Variants in RPGRIP1L observed in about 807,000 individuals in gnomAD.
RPGRIP1L encodes the protein protein fantom.
Under a neutral mutation model 160.4 loss-of-function variants are expected in RPGRIP1L, and 131 were observed. That is an observed-to-expected ratio of 0.82 (90% confidence interval 0.71 to 0.94). The LOEUF (loss-of-function observed/expected upper bound fraction) is 0.94, where lower values mean the gene tolerates loss of function less well. Ranked by LOEUF, RPGRIP1L falls within the 40% of genes least tolerant of loss-of-function variation. RPGRIP1L has a pLI of 0.00. For synonymous variants in RPGRIP1L, 510 were observed against 515.8 expected, an observed-to-expected ratio of 0.99 and a Z score of 0.15; for missense variants, 1,522 against 1,535.8, an observed-to-expected ratio of 0.99 and a Z score of 0.15.
At chr16:53,663,676 C>A (rs1389968038) in intron 10 of RPGRIP1L, among the ~76,000 whole-genome samples, 1 of 152,022 alleles carries the variant, frequency 6.6e-6, no homozygotes, top group Non-Finnish European at 1.5e-5. Context: ...CTGTCATCAC[C>A]ATTTTATTCC....
At chr16:53,701,957 T>C (rs977026805) in intron 1 of RPGRIP1L, 5 of 152,222 alleles carry the variant, frequency 3.3e-5, no homozygotes, top group African/African-American at 1.2e-4. Context: ...ATCATCTACT[T>C]CTTTTGGAAG....
intron 26 of RPGRIP1L, 29 bp from the exon 27 acceptor site, chr16:53,602,217 A>G (rs768842370): frequency 6.9e-6 from 10 of 1,448,428 alleles, no homozygotes; most frequent in Non-Finnish European, 8.7e-6. Context: ...GAAAGTGTTA[A>G]TATCATTCAA....
chr16:53,673,007 T>G lies in RPGRIP1L; in HGVS notation c.892A>C (p.Thr298Pro). 1.9e-6 allele frequency: 3 copies of G among 1,612,662 alleles called. No individual in the cohort carries two copies. The highest frequency in any genetic ancestry group is 2.5e-6 in the Non-Finnish European group (3 of 1,179,360). ...KFIQLQEKQR[T>P]LRISHDALMA... ...AAAGCATCGTGGCTGATTCTGAGAGTTCTTTGCTTCTAAAAGATAAAAAGA... is the reference window on the plus strand; with the variant it reads ...AAAGCATCGTGGCTGATTCTGAGAGGTCTTTGCTTCTAAAAGATAAAAAGA... The change falls in exon 8 of 27, where the codon ACT becomes CCT. Residue 298 changes from threonine (T) to proline (P), a missense_variant. By Grantham distance (38) the Thr-to-Pro change is conservative. Coordinates refer to ENST00000647211, the MANE Select transcript of RPGRIP1L (RefSeq NM_015272.5).
intron 6 of RPGRIP1L, among the ~76,000 whole-genome samples, chr16:53,675,912 C>T (rs1969116546): frequency 6.6e-6 from 1 of 151,908 alleles, no homozygotes; most frequent in African/African-American, 2.4e-5. Flanking sequence ...GAGAAAAGTT[C>T]CTTAATTTAA....
chr16:53,611,040 C>G lies in RPGRIP1L; in HGVS notation c.3628G>C (p.Asp1210His). 1 of 1,611,734 alleles carries G rather than the reference C, an allele frequency of 6.2e-7. No individual in the cohort carries two copies. Among genetic ancestry groups the G allele is most frequent in the Non-Finnish European group, 8.5e-7 (1 of 1,178,254 alleles). The change falls in exon 25 of 27, where the codon GAT becomes CAT. Residue 1210 changes from aspartate to histidine, a missense_variant. Coordinates refer to ENST00000647211, the MANE Select transcript of RPGRIP1L (RefSeq NM_015272.5). Reference sequence around the variant, plus strand: ...CTCTTTGCTTTGTTGTTTTCTTTATCCACGTAGATCACTATACCAAAAGAA... The same window carrying G: ...CTCTTTGCTTTGTTGTTTTCTTTATGCACGTAGATCACTATACCAAAAGAA... Reference protein sequence around the residue: ...YYNYSNVIYVDKENNKAKRDI... With the variant: ...YYNYSNVIYVHKENNKAKRDI...
chr16:53,655,121 A>G (rs181765000), intron 14 of RPGRIP1L, among the ~76,000 whole-genome samples: 2 of 152,334 alleles, frequency 1.3e-5, no homozygotes, highest in African/African-American at 4.8e-5. Context: ...GTGTGATATC[A>G]CAACAGATTA....
Position 53,619,016 on chromosome 16 carries a change from C to T in RPGRIP1L, c.3616+9G>A. 1 of 1,600,844 alleles carries T rather than the reference C, an allele frequency of 6.2e-7. No individual in the cohort carries two copies. The highest frequency in any genetic ancestry group is 2.2e-5 in the East Asian group (1 of 44,798). The stretch of plus-strand genomic sequence containing the variant: ...ATAAAAGTCTATATTACAAATGAAT[C>T]ATACATACCATTGCTATAGTTATAG... On this transcript the variant is annotated intron_variant, in intron 24 of 26. Coordinates refer to ENST00000647211, the MANE Select transcript of RPGRIP1L (RefSeq NM_015272.5).
At chr16:53,665,179 G>T (rs142657410) in intron 9 of RPGRIP1L, among the ~76,000 whole-genome samples, 170 bp from the exon 10 acceptor site, 1 of 152,128 alleles carries the variant, frequency 6.6e-6, no homozygotes, top group Non-Finnish European at 1.5e-5. Context: ...CTCAGGCTGC[G>T]GTTAGGGAAC....
chr16:53,641,272 C>T lies in RPGRIP1L; in HGVS notation c.2874+13G>A. 3.1e-6 allele frequency: 5 copies of T among 1,612,390 alleles called. No individual in the cohort carries two copies. The South Asian group carries it at 3.3e-5, about 11-fold the overall frequency. ...TTATACTTGTAAAAAAATTAAAAGT[C>T]ACTGATACTCACTAAAACTAGTGTG... On this transcript the variant is annotated intron_variant, in intron 18 of 26. Transcript: ENST00000647211.
At chr16:53,655,433 A>G (rs1967169092) in intron 14 of RPGRIP1L, 1 of 151,980 alleles carries the variant, frequency 6.6e-6, no homozygotes, top group East Asian at 1.9e-4. Flanking sequence ...TTAAGAGTGT[A>G]AAATTACTGC....
rs769599317 is a variant in RPGRIP1L at position 53,648,982 on chromosome 16, C to T, written c.2286G>A (p.Gly762=). 6 of 1,613,986 alleles carry T rather than the reference C, an allele frequency of 3.7e-6. No individual in the cohort carries two copies. Among genetic ancestry groups the T allele is most frequent in the South Asian group, 1.1e-5 (1 of 91,082 alleles). The change falls in exon 16 of 27, where the codon GGG becomes GGA. Residue 762 remains glycine (G), a synonymous_variant. Transcript: ENST00000647211. ...AGCTTACCGACTGCATATGCTCTGGCCCCTTAAAATTTGATGTTATATACC... is the reference window on the plus strand; with the variant it reads ...AGCTTACCGACTGCATATGCTCTGGTCCCTTAAAATTTGATGTTATATACC... ...ALGYITSNFK[G]PEHMQSLSQQ...
chr16:53,621,291 C>T (rs1267229640), intron 23 of RPGRIP1L, among the ~76,000 whole-genome samples: 1 of 152,130 alleles, frequency 6.6e-6, no homozygotes, highest in Non-Finnish European at 1.5e-5. Context: ...AAACTATTCA[C>T]TTGGATCCTA....
rs1419538569 is a variant in RPGRIP1L, at chr16:53,641,271, T to A, written c.2874+14A>T. The A allele has an allele frequency of 1.2e-6, 2 of 1,611,904 alleles. No homozygotes were observed. The highest frequency in any genetic ancestry group is 1.7e-6 in the Non-Finnish European group (2 of 1,178,742). ...TTTATACTTGTAAAAAAATTAAAAGTCACTGATACTCACTAAAACTAGTGT... is the reference window on the plus strand; with the variant it reads ...TTTATACTTGTAAAAAAATTAAAAGACACTGATACTCACTAAAACTAGTGT... On this transcript the variant is annotated intron_variant, in intron 18 of 26. Coordinates refer to ENST00000647211, the MANE Select transcript of RPGRIP1L (RefSeq NM_015272.5).
intron 14 of RPGRIP1L, 74 bp downstream of exon 14, chr16:53,656,398 T>G: frequency 2.0e-6 from 2 of 976,354 alleles, no homozygotes; most frequent in Non-Finnish European, 3.3e-6. Flanking sequence ...AAGTGCAGAT[T>G]TGGATGACAT....
chr16:53,689,607 T>C lies in RPGRIP1L; in HGVS notation c.530-1642A>G, dbSNP rs750118469. 6.8e-4 allele frequency among the ~76,000 whole-genome samples: 104 copies of C among 152,222 alleles called. 2 individuals carry two copies. The highest frequency in any genetic ancestry group is 1.8e-4 in the Non-Finnish European group (12 of 68,032). ...CAAACAGAAAACAGTAGTATTTGTA[T>C]AGCACCTTGATGGTAAAGGTTGCTT... On this transcript the variant is annotated intron_variant, in intron 4 of 26. Coordinates refer to ENST00000647211, the MANE Select transcript of RPGRIP1L (RefSeq NM_015272.5).
At chr16:53,637,954 GA>G (rs1965945785) in intron 20 of RPGRIP1L, 100 bp from the exon 21 acceptor site, 1 of 1,185,088 alleles carries the variant, frequency 8.4e-7, no homozygotes, top group African/African-American at 1.5e-5. Context: ...GTAAATTTGA[GA>G]CTTAAATATA....
intron 6 of RPGRIP1L, among the ~76,000 whole-genome samples, chr16:53,682,502 A>C (rs1376933321): frequency 6.6e-6 from 1 of 152,112 alleles, no homozygotes; most frequent in East Asian, 1.9e-4. Flanking sequence ...CTTTCAGTTA[A>C]CACTAGCTCC....
rs1465605666 is a variant in RPGRIP1L at position 53,692,187 on chromosome 16, G to A, written c.408C>T (p.Ala136=). 6.2e-7 allele frequency: 1 copy of A among 1,613,814 alleles called. No individual in the cohort carries two copies. The highest frequency in any genetic ancestry group is 8.5e-7 in the Non-Finnish European group (1 of 1,180,026). ...AACCCTGGGTTTGAAGTTGCTGTTT[G>A]GCTGAAATCAGTCTGTTTTTGAGGG... ...NETLKNRLIS[A]KQQLQTQGYR... Residue 136 remains alanine (A), a synonymous_variant, in exon 4 of 27, where the codon GCC becomes GCT. Transcript: ENST00000647211.
In RPGRIP1L at chr16:53,658,454, A is replaced by C. The variant is rs765606715; in HGVS notation, c.1361T>G (p.Ile454Ser). The C allele has an allele frequency of 6.2e-7, 1 of 1,609,752 alleles. No homozygotes were observed. The highest frequency in any genetic ancestry group is 1.1e-5 in the South Asian group (1 of 90,968). The part of the protein sequence containing the change: ...RIKLYNQEND[I>S]NADELSEALL... ...AGCTTCACTCAATTCATCAGCATTA[A>C]TATCATTCTCCTGCAATAGATTAAG... Residue 454 changes from isoleucine (I) to serine (S), a missense_variant, in exon 12 of 27, where the codon ATT (isoleucine) becomes AGT (serine). By Grantham distance (142) the Ile-to-Ser change is moderately radical. Transcript: ENST00000647211.
Sources: allele counts gnomAD v4.1 joint callset (sites outside exome capture counted in the v4.1 genomes callset), GRCh38; gene constraint gnomAD v4.1.1; transcripts MANE v1.5; gene names NCBI Gene and HGNC (gene_info 2026-07-23, HGNC 2026-07-21).